The following LRCH1 variants were observed in gnomAD, a reference collection of about 807,000 sequenced individuals.
LRCH1 encodes leucine rich repeats and calponin homology domain containing 1.
A neutral mutation model predicts 94.9 loss-of-function variants in LRCH1; 23 were observed. The observed-to-expected ratio is 0.24, with a 90% CI of 0.17 to 0.34. The LOEUF (loss-of-function observed/expected upper bound fraction) is 0.34, where lower values mean the gene tolerates loss of function less well. Ranked by LOEUF, LRCH1 falls within the 10% of genes least tolerant of loss-of-function variation. The probability of loss-of-function intolerance (pLI) is 1.00; values close to 1 mark genes in which losing one functional copy is unlikely to be tolerated. For synonymous variants in LRCH1, 364 were observed against 354.9 expected (o/e 1.03, Z -0.29); for missense variants, 790 against 945.9 (o/e 0.84, Z 2.16).
At chr13:46,640,251 A>T (rs1057025218) in intron 1 of LRCH1, among the ~76,000 whole-genome samples, 14 of 152,254 alleles carry the variant, frequency 9.2e-5, no homozygotes, top group Non-Finnish European at 1.5e-5. Flanking sequence ...GATAGCAGTT[A>T]TTCTTAGAGT....
rs563895421 is a variant in LRCH1 at position 46,742,864 on chromosome 13, T to A, written c.*1016T>A. ...TTCTAGAAGAATGTAGTTTCTCTAA[T>A]TATTTGAAATGTTCATTTAGCCTTT... On this transcript the variant is annotated 3_prime_UTR_variant, in exon 20 of 20. Transcript: ENST00000389797. 47 of 985,420 alleles carry A rather than the reference T, an allele frequency of 4.8e-5. 1 individual carries two copies. The South Asian group carries it at 1.6e-3, about 34-fold the overall frequency. 61.0% of individuals were successfully genotyped at this position (985,420 alleles called of 1,614,324 possible).
chr13:46,623,693 G>GTTTTTTTT (rs5803361), intron 1 of LRCH1, among the ~76,000 whole-genome samples: 137 of 128,182 alleles, frequency 1.1e-3, no homozygotes, highest in Non-Finnish European at 1.3e-3. Flanking sequence ...CCCTGTCTCT[G>GTTTTTTTT]TTTTTTTTTT....
At chr13:46,609,187 C>T (rs895997490) in intron 1 of LRCH1, among the ~76,000 whole-genome samples, 1 of 152,178 alleles carries the variant, frequency 6.6e-6, no homozygotes, top group Non-Finnish European at 1.5e-5. Context: ...CTGCTGTGCT[C>T]GGCCTCTTTG....
chr13:46,721,311 A>G (rs1044698561), intron 16 of LRCH1, among the ~76,000 whole-genome samples: 26 of 152,220 alleles, frequency 1.7e-4, no homozygotes. Flanking sequence ...AAAACATTCG[A>G]TGTGTTTAAA....
In LRCH1 at chr13:46,701,143, G is replaced by A; in HGVS notation, c.1336G>A (p.Asp446Asn). 6.2e-7 allele frequency: 1 copy of A among 1,612,998 alleles called. No individual in the cohort carries two copies. Among genetic ancestry groups the A allele is most frequent in the South Asian group, 1.1e-5 (1 of 91,044 alleles). The change falls in exon 11 of 20, where the codon GAC becomes AAC. Residue 446 changes from aspartate to asparagine, a missense_variant. Coordinates refer to ENST00000389797, the MANE Select transcript of LRCH1 (RefSeq NM_001164211.2). ...EGIISSSKDQ[D>N]MDIAMIEQLR... ...CAGAATAAGTTCATCCAAAGATCAG[G>A]ACATGGATATAGCAATGATCGAGCA...
intron 3 of LRCH1, among the ~76,000 whole-genome samples, chr13:46,675,826 GA>G (rs1395594861): frequency 3.3e-5 from 5 of 152,180 alleles, no homozygotes; most frequent in African/African-American, 1.2e-4. Flanking sequence ...CCTTTCTTCT[GA>G]AGAGCAGTGG....
At chr13:46,569,835 TAAACA>T (rs1452884796) in intron 1 of LRCH1, among the ~76,000 whole-genome samples, 2 of 152,060 alleles carry the variant, frequency 1.3e-5, no homozygotes, top group Non-Finnish European at 2.9e-5. Flanking sequence ...CCAAATAAAA[TAAACA>T]AAACAAAACA....
At chr13:46,583,617 T>C (rs1214756063) in intron 1 of LRCH1, among the ~76,000 whole-genome samples, 1 of 152,238 alleles carries the variant, frequency 6.6e-6, no homozygotes, top group East Asian at 1.9e-4. Flanking sequence ...CAGTTGAAAG[T>C]AACTAACCTC....
chr13:46,741,564 T>G, intron 19 of LRCH1, 78 bp from the exon 20 acceptor site: 2 of 1,584,484 alleles, frequency 1.3e-6, no homozygotes, highest in South Asian at 2.2e-5. Context: ...AAATGTGTGC[T>G]TCTTTCTAGC....
intron 17 of LRCH1, among the ~76,000 whole-genome samples, chr13:46,725,264 G>T (rs1242051882): frequency 6.6e-6 from 1 of 152,166 alleles, no homozygotes; most frequent in Non-Finnish European, 1.5e-5. Context: ...TCACTGCTTA[G>T]GTGACAGGAT....
In LRCH1 at chr13:46,575,510, ATGTGTG is replaced by A. The variant is rs59582784; in HGVS notation, c.307+21837_307+21842del. On this transcript the variant is annotated intron_variant, in intron 1 of 19. Coordinates refer to ENST00000389797, the MANE Select transcript of LRCH1 (RefSeq NM_001164211.2). ...GCATAACTGAAAAATCTGTGCATGAATGTGTGTGTGTGTGTGTGTGTGTGTGTGTGT... is the reference window on the plus strand; with the variant it reads ...GCATAACTGAAAAATCTGTGCATGAATGTGTGTGTGTGTGTGTGTGTGTGT... Among the ~76,000 whole-genome samples, 78 of 143,370 alleles carry A rather than the reference ATGTGTG, an allele frequency of 5.4e-4. 2 individuals carry two copies. Among genetic ancestry groups the A allele is most frequent in the African/African-American group, 1.4e-3 (55 of 38,538 alleles). The allele number at this position is 143,370 out of a possible 152,430, so 94.1% of individuals were successfully genotyped here.
intron 2 of LRCH1, among the ~76,000 whole-genome samples, chr13:46,668,818 AT>A (rs2051557941): frequency 9.4e-6 from 1 of 106,746 alleles, no homozygotes; most frequent in East Asian, 2.8e-4. Flanking sequence ...CTTATTTTTT[AT>A]TTTTTATTTT....
intron 3 of LRCH1, 29 bp downstream of exon 3, chr13:46,669,185 T>C (rs954583243): frequency 6.2e-7 from 1 of 1,610,334 alleles, no homozygotes; most frequent in East Asian, 2.2e-5. Context: ...AGATGCTCTT[T>C]TTTGTTGGTT....
At chr13:46,556,369 G>A (rs566856062) in intron 1 of LRCH1, among the ~76,000 whole-genome samples, 1 of 152,300 alleles carries the variant, frequency 6.6e-6, no homozygotes, top group Non-Finnish European at 1.5e-5. Flanking sequence ...ATACTTTATT[G>A]ATAGGAAAAA....
intron 1 of LRCH1, among the ~76,000 whole-genome samples, chr13:46,612,559 C>T (rs569205536): frequency 6.6e-6 from 1 of 152,270 alleles, no homozygotes; most frequent in African/African-American, 2.4e-5. Flanking sequence ...TCATATGTCT[C>T]AATTTTGAAG....
At chr13:46,589,682 C>A (rs1427852122) in intron 1 of LRCH1, among the ~76,000 whole-genome samples, 2 of 142,266 alleles carry the variant, frequency 1.4e-5, no homozygotes, top group African/African-American at 2.6e-5. Context: ...CTCACTGTAA[C>A]CTCCGCCTCC....
intron 18 of LRCH1, 31 bp downstream of exon 18, chr13:46,729,015 A>G: frequency 6.2e-7 from 1 of 1,600,768 alleles, no homozygotes; most frequent in East Asian, 2.2e-5. Context: ...ACTAACTGAC[A>G]TAAAACAGAC....
At chr13:46,618,796 T>G (rs2050843190) in intron 1 of LRCH1, among the ~76,000 whole-genome samples, 1 of 152,212 alleles carries the variant, frequency 6.6e-6, no homozygotes, top group Admixed American at 6.5e-5. Flanking sequence ...TACTCAGGTT[T>G]CCTTTTTGAG....
In LRCH1 at chr13:46,720,147, G is replaced by T. The variant is rs141163635; in HGVS notation, c.1760-3074G>T. ...CACGCCTGTAATCCCAGCACTTTGG[G>T]AGTCTGAGGCAGGTAGATCACTTGA... On this transcript the variant is annotated intron_variant, in intron 16 of 19. Coordinates refer to ENST00000389797, the MANE Select transcript of LRCH1 (RefSeq NM_001164211.2). Among the ~76,000 whole-genome samples, 642 of 152,242 alleles carry T rather than the reference G, an allele frequency of 4.2e-3. 6 individuals carry two copies. Among genetic ancestry groups the T allele is most frequent in the African/African-American group, 0.014 (585 of 41,522 alleles).
Sources: gnomAD v4.1 joint callset for allele counts (sites outside exome capture counted in the v4.1 genomes callset) on GRCh38, gnomAD v4.1.1 for gene constraint, MANE v1.5 for transcripts, NCBI Gene and HGNC (gene_info 2026-07-23, HGNC 2026-07-21) for gene names.